NFKB1: variants seen among roughly 807,000 people sequenced by gnomAD.
NFKB1 encodes the protein nuclear factor NF-kappa-B p105 subunit.
A neutral mutation model predicts 105.1 loss-of-function variants in NFKB1; 9 were observed. The observed-to-expected ratio is 0.09, with a 90% confidence interval of 0.05 to 0.15. NFKB1 has a LOEUF of 0.15. Ranked by LOEUF, NFKB1 falls within the 10% of genes least tolerant of loss-of-function variation. The probability of loss-of-function intolerance (pLI) is 1.00; values close to 1 mark genes in which losing one functional copy is unlikely to be tolerated. For synonymous variants in NFKB1, 440 were observed against 442.2 expected (o/e 1.00, Z 0.06); for missense variants, 830 against 1,203.7 (o/e 0.69, Z 4.59).
At chr4:102,612,769 T>C (rs1412760870) in intron 22 of NFKB1, among the ~76,000 whole-genome samples, 163 bp downstream of exon 22, 1 of 152,212 alleles carries the variant, frequency 6.6e-6, no homozygotes, top group Admixed American at 6.5e-5. Context: ...GCAGCCCATC[T>C]TCCTGAGAAT....
At chr4:102,528,652 ATATAACT>A (rs1741084195) in intron 2 of NFKB1, among the ~76,000 whole-genome samples, 1 of 152,234 alleles carries the variant, frequency 6.6e-6, no homozygotes, top group South Asian at 2.1e-4. Context: ...CATTTCAAAC[ATATAACT>A]TCTTTAGGCT....
At chr4:102,555,858 G>T (rs921774848) in intron 5 of NFKB1, among the ~76,000 whole-genome samples, 1 of 152,162 alleles carries the variant, frequency 6.6e-6, no homozygotes, top group African/African-American at 2.4e-5. Flanking sequence ...ATAGGAATGA[G>T]AAATTATCAG....
intron 5 of NFKB1, among the ~76,000 whole-genome samples, chr4:102,551,367 T>TGTGTGTGTGTGTGCGCGCGCGC (rs370790173): frequency 1.3e-5 from 2 of 150,094 alleles, no homozygotes; most frequent in Non-Finnish European, 3.0e-5. Flanking sequence ...TGTGTGTGTG[T>TGTGTGTGTGTGTGCGCGCGCGC]GCGCGCGCGC....
chr4:102,607,815 T>C (rs1052401340), intron 19 of NFKB1, 64 bp downstream of exon 19: 3 of 1,398,788 alleles, frequency 2.1e-6, no homozygotes, highest in African/African-American at 2.8e-5. Context: ...CCAACTTCAA[T>C]AGAGCAGTCA....
chr4:102,607,080 T>G, intron 17 of NFKB1, 70 bp from the exon 18 acceptor site: 1 of 1,519,004 alleles, frequency 6.6e-7, no homozygotes, highest in South Asian at 1.1e-5. Flanking sequence ...GCCATTTCCT[T>G]CAGCTTCACA....
chr4:102,584,537 C>G (rs766107838), intron 10 of NFKB1, 145 bp from the exon 11 acceptor site: 3 of 690,990 alleles, frequency 4.3e-6, no homozygotes, highest in Non-Finnish European at 6.5e-6. Context: ...TTGGAACTTT[C>G]TCCAGGACAC....
At chr4:102,555,740 C>T (rs1281758834) in intron 5 of NFKB1, among the ~76,000 whole-genome samples, 1 of 152,004 alleles carries the variant, frequency 6.6e-6, no homozygotes, top group Non-Finnish European at 1.5e-5. Context: ...ATGAAGAGCA[C>T]GTGGAAGGCA....
intron 1 of NFKB1, chr4:102,503,613 C>A (rs1388582013): frequency 6.6e-6 from 1 of 152,072 alleles, no homozygotes; most frequent in African/African-American, 2.4e-5. Flanking sequence ...GTTTTTCAAA[C>A]CCAGATAGTA....
intron 1 of NFKB1, among the ~76,000 whole-genome samples, chr4:102,519,412 T>C (rs908570397): frequency 1.3e-5 from 2 of 148,956 alleles, no homozygotes; most frequent in African/African-American, 4.9e-5. Flanking sequence ...TATATACTTT[T>C]ATCATACCAT....
At position 102,600,916 on chromosome 4, in the gene NFKB1, C is replaced by G; in HGVS notation, c.1659C>G (p.Ile553Met). 6.2e-7 allele frequency: 1 copy of G among 1,605,596 alleles called. No homozygotes were observed. ...NGDSVLHLAI[I>M]HLHSQLVRDL... ...CCAGTGTCTTACACTTAGCAATCAT[C>G]CACCTTCATTCTCAACTTGTGAGGG... is the stretch of plus-strand genomic sequence containing the variant. The change falls in exon 16 of 24, where the codon ATC becomes ATG. Residue 553 changes from isoleucine to methionine, a missense_variant. Coordinates refer to ENST00000226574, the MANE Select transcript of NFKB1 (RefSeq NM_003998.4).
chr4:102,551,858 G>A (rs1478036363), intron 5 of NFKB1, among the ~76,000 whole-genome samples: 2 of 152,116 alleles, frequency 1.3e-5, no homozygotes, highest in Admixed American at 6.6e-5. Context: ...TGAGACAATG[G>A]ACCCAATTCT....
chr4:102,508,517 A>G (rs4647968), intron 1 of NFKB1, among the ~76,000 whole-genome samples: 2,239 of 152,302 alleles, frequency 0.015, 58 homozygotes, highest in African/African-American at 0.05. Context: ...ACAATCTAGG[A>G]AATAGGAAAA....
intron 23 of NFKB1, 110 bp downstream of exon 23, chr4:102,613,691 C>T: frequency 7.8e-6 from 10 of 1,277,022 alleles, no homozygotes; most frequent in East Asian, 2.5e-5. Context: ...TTTCTGGATA[C>T]ACTTCCCTGT....
chr4:102,576,507 CCAAG>C (rs929581895), intron 6 of NFKB1, among the ~76,000 whole-genome samples: 4 of 152,146 alleles, frequency 2.6e-5, no homozygotes, highest in African/African-American at 9.7e-5. Context: ...AAACATTCTT[CCAAG>C]TTTATTGCAG....
At chr4:102,503,131 GT>G (rs1395356958) in intron 1 of NFKB1, among the ~76,000 whole-genome samples, 1 of 152,090 alleles carries the variant, frequency 6.6e-6, no homozygotes, top group Non-Finnish European at 1.5e-5. Flanking sequence ...TTAAATGTAT[GT>G]ATTTAAATTT....
intron 23 of NFKB1, among the ~76,000 whole-genome samples, chr4:102,613,854 A>G (rs2149233315): frequency 6.6e-6 from 1 of 152,336 alleles, no homozygotes; most frequent in East Asian, 1.9e-4. Flanking sequence ...GATGTGGGTG[A>G]TTAAATTTAA....
chr4:102,608,636 C>T (rs888111446), intron 19 of NFKB1, among the ~76,000 whole-genome samples: 2 of 148,432 alleles, frequency 1.3e-5, no homozygotes, highest in African/African-American at 5.0e-5. Context: ...CCTGCCCTGA[C>T]ATATCTGATA....
Position 102,607,300 on chromosome 4 carries a change from C to T in NFKB1, c.2105C>T (p.Ala702Val), listed in dbSNP as rs781202431. The T allele has an allele frequency of 6.2e-7, 1 of 1,612,590 alleles. No individual in the cohort carries two copies. Among genetic ancestry groups the T allele is most frequent in the Non-Finnish European group, 8.5e-7 (1 of 1,178,658 alleles). ...LAVEHDNISL[A>V]GCLLLEGDAH... ...GTGGAGCACGACAACATCTCATTGG[C>T]AGGCTGCCTGCTCCTGGAGGTGAAG... The change falls in exon 18 of 24, where the codon GCA (alanine) becomes GTA (valine). Residue 702 changes from alanine to valine, a missense_variant. This residue lies in a region of NFKB1 where 418 missense variants were observed against 575.3 expected (regional missense o/e 0.73). Coordinates refer to ENST00000226574, the MANE Select transcript of NFKB1 (RefSeq NM_003998.4).
chr4:102,566,874 A>T, intron 5 of NFKB1, 113 bp from the exon 6 acceptor site: 1 of 1,037,948 alleles, frequency 9.6e-7, no homozygotes, highest in Non-Finnish European at 1.4e-6. Context: ...ATGTATATAC[A>T]TATATGAATA....
Sources: gnomAD v4.1 joint callset for allele counts (sites outside exome capture counted in the v4.1 genomes callset) on GRCh38, gnomAD v4.1.1 for gene constraint, gnomAD v4.1.1 regional missense constraint, MANE v1.5 for transcripts, NCBI Gene and HGNC (gene_info 2026-07-23, HGNC 2026-07-21) for gene names.